PLEKHA7: variants seen among roughly 807,000 people sequenced by gnomAD.
PLEKHA7 encodes pleckstrin homology domain containing A7, also known as pleckstrin homology domain-containing family A member 7.
A neutral mutation model predicts 170.0 loss-of-function variants in PLEKHA7; 104 were observed. The ratio of observed to expected loss-of-function variants is 0.61; its 90% confidence interval spans 0.52 to 0.72. The LOEUF (loss-of-function observed/expected upper bound fraction) is 0.72, where lower values mean the gene tolerates loss of function less well. PLEKHA7 is among the 30% of genes least tolerant of loss of function. PLEKHA7 has a pLI of 0.00. For synonymous variants in PLEKHA7, 648 were observed against 660.8 expected, an observed-to-expected ratio of 0.98 and a Z score of 0.30; for missense variants, 1,615 against 1,671.7, an observed-to-expected ratio of 0.97 and a Z score of 0.59.
chr11:16,850,659 G>C (rs955333389), intron 8 of PLEKHA7, among the ~76,000 whole-genome samples: 1 of 152,180 alleles, frequency 6.6e-6, no homozygotes, highest in South Asian at 2.1e-4. Flanking sequence ...GACCAAGTAG[G>C]AAAGGGGTTT....
At chr11:16,880,404 G>A (rs1399511279) in intron 3 of PLEKHA7, among the ~76,000 whole-genome samples, 2 of 152,196 alleles carry the variant, frequency 1.3e-5, no homozygotes, top group Non-Finnish European at 2.9e-5. Flanking sequence ...TTGTTATAAA[G>A]AACACTGATA....
chr11:16,822,926 AAC>A (rs1278601870), intron 10 of PLEKHA7, among the ~76,000 whole-genome samples: 12 of 152,330 alleles, frequency 7.9e-5, no homozygotes, highest in African/African-American at 2.2e-4. Context: ...GCAGCCTAGC[AAC>A]AGTTTCTTGA....
chr11:16,973,109 TG>T (rs1455239413), intron 3 of PLEKHA7, among the ~76,000 whole-genome samples: 1 of 152,228 alleles, frequency 6.6e-6, no homozygotes, highest in Non-Finnish European at 1.5e-5. Flanking sequence ...GGGCCCATGT[TG>T]GAAAGCACCA....
rs75547162 is a variant in PLEKHA7, at chr11:16,876,089, C to T, written c.222-4907G>A. 7.0e-3 allele frequency among the ~76,000 whole-genome samples: 1,069 copies of T among 152,244 alleles called. 14 individuals are homozygous for T. The highest frequency in any genetic ancestry group is 0.024 in the African/African-American group (991 of 41,528). On this transcript the variant is annotated intron_variant, in intron 3 of 26. Transcript: ENST00000531066. ...ATTTGGAGATTGCAAAGTCCTCTGG[C>T]TTTACTCGCTGTCCCTGGCTCCCCC...
At chr11:16,954,498 C>T (rs993054828) in intron 3 of PLEKHA7, among the ~76,000 whole-genome samples, 7 of 151,310 alleles carry the variant, frequency 4.6e-5, no homozygotes, top group Non-Finnish European at 7.4e-5. Context: ...CACACCAACA[C>T]ACTCCAGCCC....
At chr11:16,921,779 C>T (rs1307614720) in intron 3 of PLEKHA7, among the ~76,000 whole-genome samples, 2 of 152,346 alleles carry the variant, frequency 1.3e-5, no homozygotes, top group East Asian at 3.9e-4. Context: ...TGCAATGCTG[C>T]ATTACAGTTG....
intron 17 of PLEKHA7, among the ~76,000 whole-genome samples, chr11:16,797,555 T>A (rs1404397487): frequency 2.0e-5 from 3 of 152,174 alleles, no homozygotes; most frequent in Non-Finnish European, 2.9e-5. Context: ...AAGCCTCCTG[T>A]CCCAAGGTGG....
chr11:16,789,366 G>A lies in PLEKHA7; in HGVS notation c.3157-70C>T. ...TGGGCACGCAGAGGACAGCCACCCT[G>A]CTGGCTGCATTCCCGTTGTCTCTCT... On this transcript the variant is annotated intron_variant, in intron 22 of 26. Transcript: ENST00000531066. The surrounding 1 kb of genome is among the most constrained non-coding windows in gnomAD (Gnocchi z 4.6). 1.4e-6 allele frequency: 2 copies of A among 1,447,576 alleles called. No homozygotes were observed. Among genetic ancestry groups the A allele is most frequent in the Non-Finnish European group, 1.9e-6 (2 of 1,040,176 alleles). 89.7% of individuals were successfully genotyped at this position (1,447,576 alleles called of 1,614,324 possible).
At chr11:16,916,250 G>T (rs1858666863) in intron 3 of PLEKHA7, among the ~76,000 whole-genome samples, 1 of 152,150 alleles carries the variant, frequency 6.6e-6, no homozygotes, top group Non-Finnish European at 1.5e-5. Context: ...TGTAGATTCT[G>T]GATATTAGCC....
intron 3 of PLEKHA7, among the ~76,000 whole-genome samples, chr11:16,998,893 C>A (rs1030252274): frequency 3.9e-5 from 6 of 152,014 alleles, no homozygotes; most frequent in Admixed American, 3.3e-4. Context: ...GAAATCATTT[C>A]TCTTCCCTGG....
intron 8 of PLEKHA7, among the ~76,000 whole-genome samples, chr11:16,850,744 A>C (rs1852865031): frequency 1.3e-5 from 2 of 152,246 alleles, no homozygotes; most frequent in African/African-American, 4.8e-5. Context: ...ATTGCTTTTC[A>C]ACAAGATAAA....
chr11:16,855,134 A>G (rs577354319), intron 5 of PLEKHA7, 141 bp from the exon 6 acceptor site: 2 of 684,294 alleles, frequency 2.9e-6, no homozygotes, highest in East Asian at 2.7e-5. Flanking sequence ...GCCAGAAGAC[A>G]GGGAACGGGC....
At chr11:16,960,470 C>G (rs1217810178) in intron 3 of PLEKHA7, among the ~76,000 whole-genome samples, 1 of 152,152 alleles carries the variant, frequency 6.6e-6, no homozygotes, top group African/African-American at 2.4e-5. Context: ...CACACCCCAC[C>G]CACCTCCACC....
intron 9 of PLEKHA7, among the ~76,000 whole-genome samples, chr11:16,835,657 C>G (rs1851456649): frequency 6.6e-6 from 1 of 152,118 alleles, no homozygotes; most frequent in African/African-American, 2.4e-5. Context: ...TTGTAGCAAG[C>G]CTATGAACTA....
At chr11:17,002,529 G>C (rs1864728875) in intron 3 of PLEKHA7, among the ~76,000 whole-genome samples, 1 of 152,166 alleles carries the variant, frequency 6.6e-6, no homozygotes, top group Non-Finnish European at 1.5e-5. Flanking sequence ...ACCCCTCGGT[G>C]ATGCTGGGGC....
chr11:16,899,797 A>C (rs1238516750), intron 3 of PLEKHA7, among the ~76,000 whole-genome samples: 1 of 152,238 alleles, frequency 6.6e-6, no homozygotes, highest in Admixed American at 6.5e-5. Context: ...AAACCTTTAG[A>C]AGGATAAGTG....
intron 3 of PLEKHA7, among the ~76,000 whole-genome samples, chr11:17,009,858 G>A (rs2137123609): frequency 6.6e-6 from 1 of 151,956 alleles, no homozygotes; most frequent in East Asian, 1.9e-4. Context: ...TGAACTCCTG[G>A]CCTCAAGTGA....
rs549281962 is a variant in PLEKHA7, at chr11:16,947,420, G to A, written c.221+66569C>T. Among the ~76,000 whole-genome samples, 9 of 151,904 alleles carry A rather than the reference G, an allele frequency of 5.9e-5. No homozygotes were observed. The South Asian group carries it at 1.7e-3, about 28-fold the overall frequency. ...AGCCTGGCCAACATGACAAAACTCCGTCTCTACTAAAAATACGAAAATTAG... is the reference window on the plus strand; with the variant it reads ...AGCCTGGCCAACATGACAAAACTCCATCTCTACTAAAAATACGAAAATTAG... On this transcript the variant is annotated intron_variant, in intron 3 of 26. Transcript: ENST00000531066.
At chr11:16,805,799 A>C (rs898373085) in intron 13 of PLEKHA7, among the ~76,000 whole-genome samples, 35 of 151,494 alleles carry the variant, frequency 2.3e-4, no homozygotes, top group Admixed American at 5.3e-4. Context: ...CAAAAAAAAA[A>C]AAAAAAAACA....
Sources: allele counts gnomAD v4.1 joint callset (sites outside exome capture counted in the v4.1 genomes callset), GRCh38; gene constraint gnomAD v4.1.1; non-coding constraint Gnocchi (gnomAD v3.1); transcripts MANE v1.5; gene names NCBI Gene and HGNC (gene_info 2026-07-23, HGNC 2026-07-21).